The following LRMDA variants were observed in gnomAD, a reference collection of about 807,000 sequenced individuals.
The protein encoded by LRMDA is leucine-rich melanocyte differentiation-associated protein.
Under a neutral mutation model 29.8 loss-of-function variants are expected in LRMDA, and 18 were observed. The ratio of observed to expected loss-of-function variants is 0.60; its 90% confidence interval spans 0.42 to 0.90. The LOEUF (loss-of-function observed/expected upper bound fraction) is 0.90. LRMDA is among the 40% of genes least tolerant of loss of function. The pLI is 0.00. For synonymous variants in LRMDA, 125 were observed against 109.4 expected (o/e 1.14, Z -0.89); for missense variants, 273 against 273.9 (o/e 1.00, Z 0.02).
chr10:76,151,172 C>G (rs1850435097), intron 5 of LRMDA, among the ~76,000 whole-genome samples: 1 of 152,174 alleles, frequency 6.6e-6, no homozygotes, highest in Non-Finnish European at 1.5e-5. Flanking sequence ...CTGTGAAGAT[C>G]TTCGTTGTCA....
At chr10:76,175,955 G>A (rs1381109407) in intron 5 of LRMDA, among the ~76,000 whole-genome samples, 1 of 152,170 alleles carries the variant, frequency 6.6e-6, no homozygotes, top group East Asian at 1.9e-4. Flanking sequence ...TAGCCGCTCT[G>A]CCTGCCATAG....
chr10:76,131,023 A>G (rs1849983198), intron 5 of LRMDA, among the ~76,000 whole-genome samples: 1 of 152,108 alleles, frequency 6.6e-6, no homozygotes, highest in Non-Finnish European at 1.5e-5. Flanking sequence ...GATTTTGATT[A>G]TGTATTTTTT....
chr10:76,069,805 A>T (rs1431399008), intron 5 of LRMDA, among the ~76,000 whole-genome samples: 1 of 151,968 alleles, frequency 6.6e-6, no homozygotes, highest in Non-Finnish European at 1.5e-5. Context: ...CCCCCATTCC[A>T]CAGCCTTTAC....
At chr10:75,828,929 G>A (rs1401545663) in intron 2 of LRMDA, among the ~76,000 whole-genome samples, 1 of 152,132 alleles carries the variant, frequency 6.6e-6, no homozygotes, top group Non-Finnish European at 1.5e-5. Context: ...ACAAGGGGGT[G>A]GGAAAAGCCT....
At chr10:75,462,367 G>C (rs966104344) in intron 2 of LRMDA, among the ~76,000 whole-genome samples, 1 of 152,226 alleles carries the variant, frequency 6.6e-6, no homozygotes, top group East Asian at 1.9e-4. Context: ...TCAGCGGCAG[G>C]TGTAGTCTCT....
chr10:76,035,426 A>T (rs1367719151), intron 2 of LRMDA, among the ~76,000 whole-genome samples: 1 of 152,196 alleles, frequency 6.6e-6, no homozygotes, highest in Non-Finnish European at 1.5e-5. Flanking sequence ...AGTGATTAGT[A>T]AAGAAAAAAG....
At chr10:75,472,891 G>A (rs770201994) in intron 2 of LRMDA, among the ~76,000 whole-genome samples, 4 of 152,340 alleles carry the variant, frequency 2.6e-5, no homozygotes, top group South Asian at 2.1e-4. Flanking sequence ...GAGGGTGGGC[G>A]TGGCCAGATC....
intron 2 of LRMDA, among the ~76,000 whole-genome samples, chr10:75,716,422 C>T (rs1486294660): frequency 2.0e-5 from 3 of 152,182 alleles, no homozygotes; most frequent in African/African-American, 7.2e-5. Context: ...TATTCTGTTA[C>T]TTGCAATCTA....
In LRMDA at chr10:76,500,504, A is replaced by G. The variant is rs573810495; in HGVS notation, c.602-56705A>G. On this transcript the variant is annotated intron_variant, in intron 6 of 6. Coordinates refer to ENST00000611255, the MANE Select transcript of LRMDA (RefSeq NM_001305581.2). The stretch of plus-strand genomic sequence containing the variant: ...GGTTTTCTCTGGTGAAACAAAATGA[A>G]ATTAGTCAATGTGTATGAACTGTTT... 2.7e-5 allele frequency among the ~76,000 whole-genome samples: 2 copies of G among 75,424 alleles called. 1 individual carries two copies. The highest frequency in any genetic ancestry group is 8.8e-5 in the Non-Finnish European group (2 of 22,650). The allele number at this position is 75,424 out of a possible 152,430, so 49.5% of individuals were successfully genotyped here. A position where few individuals can be genotyped will look rare whatever the true frequency, so the allele number is the denominator to read the frequency against.
chr10:75,442,848 C>T (rs1844344865), intron 2 of LRMDA, among the ~76,000 whole-genome samples: 1 of 151,736 alleles, frequency 6.6e-6, no homozygotes. Context: ...TATGGGATAT[C>T]TTCCTTTATG....
At chr10:76,007,485 C>T (rs1333066295) in intron 2 of LRMDA, among the ~76,000 whole-genome samples, 1 of 152,192 alleles carries the variant, frequency 6.6e-6, no homozygotes, top group Non-Finnish European at 1.5e-5. Context: ...GTATTGCCCT[C>T]TCCCCATGCT....
intron 6 of LRMDA, among the ~76,000 whole-genome samples, chr10:76,347,114 T>C (rs1373770108): frequency 6.6e-6 from 1 of 152,208 alleles, no homozygotes; most frequent in Non-Finnish European, 1.5e-5. Flanking sequence ...GATAAAGGTA[T>C]GGCAAAATCA....
intron 6 of LRMDA, among the ~76,000 whole-genome samples, chr10:76,352,086 T>G (rs1463583082): frequency 6.6e-6 from 1 of 152,126 alleles, no homozygotes; most frequent in Non-Finnish European, 1.5e-5. Flanking sequence ...TTACTAAGGT[T>G]GTTGTGAGGA....
intron 5 of LRMDA, among the ~76,000 whole-genome samples, chr10:76,152,665 A>G (rs752680414): frequency 1.4e-4 from 22 of 152,200 alleles, no homozygotes; most frequent in Non-Finnish European, 2.6e-4. Context: ...GAGAGTTTCA[A>G]TTTCTCTACA....
chr10:75,777,382 C>G (rs1041193446), intron 2 of LRMDA, among the ~76,000 whole-genome samples: 9 of 152,260 alleles, frequency 5.9e-5, no homozygotes, highest in African/African-American at 2.2e-4. Flanking sequence ...CATCTCAGAC[C>G]AAAGGTAGCC....
At chr10:76,016,293 C>G (rs1240780045) in intron 2 of LRMDA, among the ~76,000 whole-genome samples, 8 of 150,812 alleles carry the variant, frequency 5.3e-5, no homozygotes, top group African/African-American at 1.2e-4. Flanking sequence ...GTAAAATAGT[C>G]TAAAAAAGGT....
chr10:75,948,251 C>T (rs1846511262), intron 2 of LRMDA, among the ~76,000 whole-genome samples: 1 of 152,120 alleles, frequency 6.6e-6, no homozygotes, highest in African/African-American at 2.4e-5. Context: ...CTCCTTCCAC[C>T]CATAGATTAT....
Position 75,823,685 on chromosome 10 carries a change from A to AGTGTGTGTGT in LRMDA, c.132-212288_132-212279dup, listed in dbSNP as rs141426887. On this transcript the variant is annotated intron_variant, in intron 2 of 6. Coordinates refer to ENST00000611255, the MANE Select transcript of LRMDA (RefSeq NM_001305581.2). The stretch of plus-strand genomic sequence containing the variant: ...TCAATGGATGATTGGATTAAAATGT[A>AGTGTGTGTGT]GTGTGTGTGTGTGTGTGTGTGTGTG... Among the ~76,000 whole-genome samples, 14 of 144,066 alleles carry AGTGTGTGTGT rather than the reference A, an allele frequency of 9.7e-5. No homozygotes were observed. The East Asian group carries it at 1.1e-3, about 11-fold the overall frequency. 94.5% of individuals were successfully genotyped at this position (144,066 alleles called of 152,430 possible). A position where few individuals can be genotyped will look rare whatever the true frequency, so the allele number is the denominator to read the frequency against.
intron 2 of LRMDA, among the ~76,000 whole-genome samples, chr10:75,562,182 C>G (rs1428424371): frequency 6.6e-6 from 1 of 152,042 alleles, no homozygotes; most frequent in Non-Finnish European, 1.5e-5. Context: ...CTTTGTAGGT[C>G]ATTCAGGACT....
Sources: allele counts gnomAD v4.1 joint callset (sites outside exome capture counted in the v4.1 genomes callset), GRCh38; gene constraint gnomAD v4.1.1; transcripts MANE v1.5; gene names NCBI Gene and HGNC (gene_info 2026-07-23, HGNC 2026-07-21).